The following ME3 variants were observed in gnomAD, a reference collection of about 807,000 sequenced individuals.
The protein encoded by ME3 is malic enzyme 3.
ME3 carries 48 observed loss-of-function variants against 68.9 expected under a neutral mutation model. That is an observed-to-expected ratio of 0.70 (90% confidence interval 0.55 to 0.89). The LOEUF is 0.89. Among genes scored for constraint, ME3 ranks in the 40% least tolerant of loss-of-function variants. ME3 has a pLI of 0.00. For missense variants in ME3, 675 were observed against 797.4 expected, an observed-to-expected ratio of 0.85 and a Z score of 1.85; for synonymous variants, 320 against 318.8, an observed-to-expected ratio of 1.00 and a Z score of -0.04.
At chr11:86,526,256 G>A (rs1954737878) in intron 4 of ME3, among the ~76,000 whole-genome samples, 1 of 152,220 alleles carries the variant, frequency 6.6e-6, no homozygotes, top group Non-Finnish European at 1.5e-5. Flanking sequence ...TATGCCCATG[G>A]AGCCTTGCTC....
chr11:86,503,857 A>G (rs1952880966), intron 5 of ME3, among the ~76,000 whole-genome samples: 1 of 152,106 alleles, frequency 6.6e-6, no homozygotes, highest in African/African-American at 2.4e-5. Context: ...GCTTGGGAAA[A>G]CTGTTAGGGA....
chr11:86,601,372 G>A (rs193075991), intron 2 of ME3, among the ~76,000 whole-genome samples: 1 of 152,070 alleles, frequency 6.6e-6, no homozygotes, highest in East Asian at 1.9e-4. Flanking sequence ...ATAAATTCCT[G>A]GACACATACA....
At chr11:86,569,040 T>C (rs1957636503) in intron 2 of ME3, among the ~76,000 whole-genome samples, 1 of 152,246 alleles carries the variant, frequency 6.6e-6, no homozygotes, top group Non-Finnish European at 1.5e-5. Flanking sequence ...GATGAAATAA[T>C]GCAGGTAACA....
At chr11:86,671,768 G>C (rs755257997) in exon 2 of ME3, 6 of 1,604,026 alleles carry the variant, frequency 3.7e-6, no homozygotes, top group Non-Finnish European at 5.1e-6. Flanking sequence ...TTACCTTGTT[G>C]AGATGAGGGT....
chr11:86,542,172 G>A (rs1223798612), intron 4 of ME3, among the ~76,000 whole-genome samples: 3 of 152,152 alleles, frequency 2.0e-5, no homozygotes, highest in Non-Finnish European at 4.4e-5. Context: ...AAAGACCAAA[G>A]GTAGACAAAT....
At chr11:86,508,313 T>C (rs1400365423) in intron 5 of ME3, among the ~76,000 whole-genome samples, 2 of 152,196 alleles carry the variant, frequency 1.3e-5, no homozygotes, top group Non-Finnish European at 2.9e-5. Context: ...CCCCAGGAAG[T>C]CATCCCTGAA....
At chr11:86,600,904 T>C (rs11561000) in intron 2 of ME3, among the ~76,000 whole-genome samples, 23,084 of 142,666 alleles carry the variant, frequency 0.16, 1,771 homozygotes, top group East Asian at 0.36. Context: ...TTGAAACCAA[T>C]GAGAACAAAG....
chr11:86,485,134 C>A (rs1191400935), intron 7 of ME3, among the ~76,000 whole-genome samples: 1 of 152,174 alleles, frequency 6.6e-6, no homozygotes, highest in Admixed American at 6.5e-5. Context: ...AAAAGTGCTT[C>A]CTTTAGCATT....
intron 3 of ME3, among the ~76,000 whole-genome samples, chr11:86,557,277 C>A (rs1035249585): frequency 2.0e-5 from 3 of 152,102 alleles, no homozygotes; most frequent in Non-Finnish European, 2.9e-5. Context: ...CTCTCTTTTA[C>A]CTAATCCCTG....
At chr11:86,596,882 T>A (rs1254941352) in intron 2 of ME3, among the ~76,000 whole-genome samples, 1 of 152,126 alleles carries the variant, frequency 6.6e-6, no homozygotes, top group African/African-American at 2.4e-5. Context: ...CAGAACCAGG[T>A]CATAGATGAT....
At chr11:86,547,536 C>T (rs922114919) in intron 4 of ME3, among the ~76,000 whole-genome samples, 9 of 151,952 alleles carry the variant, frequency 5.9e-5, no homozygotes, top group Non-Finnish European at 8.8e-5. Flanking sequence ...ATGTAGATGA[C>T]GGGTTGATGG....
chr11:86,626,215 G>A (rs1375020318), intron 2 of ME3, among the ~76,000 whole-genome samples: 3 of 152,154 alleles, frequency 2.0e-5, no homozygotes, highest in African/African-American at 7.2e-5. Context: ...CTGCCTTTAT[G>A]CTTGGCTCTG....
At chr11:86,584,259 A>AT (rs1302483278) in intron 2 of ME3, among the ~76,000 whole-genome samples, 2 of 152,166 alleles carry the variant, frequency 1.3e-5, no homozygotes, top group Non-Finnish European at 2.9e-5. Context: ...TTAAAACCAC[A>AT]ATGTGTTATT....
intron 2 of ME3, among the ~76,000 whole-genome samples, chr11:86,659,276 G>A (rs546480271): frequency 6.6e-6 from 1 of 152,224 alleles, no homozygotes; most frequent in African/African-American, 2.4e-5. Context: ...TTTTTATGGA[G>A]AGACTCAAAA....
At chr11:86,478,106 T>C (rs751212174) in intron 7 of ME3, among the ~76,000 whole-genome samples, 18 of 152,138 alleles carry the variant, frequency 1.2e-4, no homozygotes, top group South Asian at 2.1e-4. Flanking sequence ...GTGTGGACTT[T>C]TGACCACCCA....
chr11:86,476,980 C>T (rs1951115205), intron 7 of ME3, among the ~76,000 whole-genome samples: 1 of 152,156 alleles, frequency 6.6e-6, no homozygotes, highest in Admixed American at 6.5e-5. Flanking sequence ...AATGTGGGCA[C>T]AGTGAAGCAC....
chr11:86,475,874 T>TATATAGAGAGAGAGAGAGAGAG, intron 7 of ME3, among the ~76,000 whole-genome samples: 10 of 91,462 alleles, frequency 1.1e-4, no homozygotes, highest in South Asian at 4.1e-4. Flanking sequence ...TATATATATA[T>TATATAGAGAGAGAGAGAGAGAG]AGAGAGAGAG....
At chr11:86,497,469 G>A (rs1952426226) in intron 6 of ME3, among the ~76,000 whole-genome samples, 1 of 152,182 alleles carries the variant, frequency 6.6e-6, no homozygotes, top group South Asian at 2.1e-4. Flanking sequence ...GACTCCTGCA[G>A]CTGGATCTCA....
chr11:86,637,645 G>T (rs563461765), intron 2 of ME3, among the ~76,000 whole-genome samples: 1 of 152,228 alleles, frequency 6.6e-6, no homozygotes, highest in African/African-American at 2.4e-5. Context: ...CCTCGAGAAG[G>T]GCCTTGTGCG....
Sources: allele counts gnomAD v4.1 joint callset (sites outside exome capture counted in the v4.1 genomes callset), GRCh38; gene constraint gnomAD v4.1.1; transcripts MANE v1.5; gene names NCBI Gene and HGNC (gene_info 2026-07-23, HGNC 2026-07-21).